OLFML1: variants seen among roughly 807,000 people sequenced by gnomAD.
The protein encoded by OLFML1 is olfactomedin-like protein 1.
OLFML1 carries 33 observed loss-of-function variants against 37.3 expected under a neutral mutation model. The observed-to-expected ratio is 0.88, with a 90% CI of 0.67 to 1.18. The LOEUF (loss-of-function observed/expected upper bound fraction) is 1.18. OLFML1 is among the 50% of genes most tolerant of loss of function. The pLI, the probability that OLFML1 is intolerant of heterozygous loss-of-function variation, is 0.00. For missense variants in OLFML1, 545 were observed against 483.7 expected (o/e 1.13, Z -1.19); for synonymous variants, 186 against 181.3 (o/e 1.03, Z -0.21).
intron 2 of OLFML1, among the ~76,000 whole-genome samples, chr11:7,502,632 A>T (rs1040099289): frequency 6.6e-6 from 1 of 151,170 alleles, no homozygotes; most frequent in Non-Finnish European, 1.5e-5. Context: ...TCTGGGACAG[A>T]GTCTCGCTCT....
intron 2 of OLFML1, among the ~76,000 whole-genome samples, chr11:7,503,509 C>G (rs1379021095): frequency 6.6e-6 from 1 of 152,184 alleles, no homozygotes; most frequent in African/African-American, 2.4e-5. Context: ...GTGACCTTGA[C>G]AGAAACTGAT....
chr11:7,502,092 C>A (rs924637932), intron 2 of OLFML1, among the ~76,000 whole-genome samples: 20 of 152,306 alleles, frequency 1.3e-4, no homozygotes, highest in African/African-American at 4.1e-4. Flanking sequence ...CTCTTCAAGA[C>A]ATAATATTGA....
At chr11:7,489,666 T>C (rs1301156144) in intron 2 of OLFML1, among the ~76,000 whole-genome samples, 1 of 152,156 alleles carries the variant, frequency 6.6e-6, no homozygotes, top group Non-Finnish European at 1.5e-5. Context: ...TGGCATTAAG[T>C]GTCATGGGAC....
At chr11:7,497,671 T>C (rs1371192092) in intron 2 of OLFML1, among the ~76,000 whole-genome samples, 2 of 152,200 alleles carry the variant, frequency 1.3e-5, no homozygotes, top group African/African-American at 2.4e-5. Context: ...AGTCTGTTTC[T>C]TTTTCATAAT....
rs1241236584 is a variant in OLFML1 at position 7,488,048 on chromosome 11, C to G, written c.130-79C>G. On this transcript the variant is annotated intron_variant, in intron 1 of 2. Coordinates refer to ENST00000329293, the MANE Select transcript of OLFML1 (RefSeq NM_198474.4). ...TGATGTGTAATTTTCTAATCCTTTT[C>G]TATAAATGATAGGTATTTATATTAT... The G allele has an allele frequency of 4.0e-6, 4 of 996,688 alleles. No individual in the cohort carries two copies. In the East Asian group the frequency reaches 1.1e-4, roughly 26 times the overall value. The allele number at this position is 996,688 out of a possible 1,614,324, so 61.7% of individuals were successfully genotyped here.
intron 2 of OLFML1, among the ~76,000 whole-genome samples, chr11:7,505,125 G>A (rs1486760270): frequency 2.0e-5 from 3 of 150,304 alleles, no homozygotes; most frequent in African/African-American, 7.3e-5. Context: ...TTAGAGATGG[G>A]GTCTCACTCT....
chr11:7,499,653 G>A (rs1006842869), intron 2 of OLFML1, among the ~76,000 whole-genome samples: 1 of 152,180 alleles, frequency 6.6e-6, no homozygotes, highest in Admixed American at 6.5e-5. Flanking sequence ...GACTCCAAGT[G>A]CTGGGTTTCA....
At chr11:7,501,879 G>A (rs1848728507) in intron 2 of OLFML1, among the ~76,000 whole-genome samples, 1 of 152,142 alleles carries the variant, frequency 6.6e-6, no homozygotes, top group African/African-American at 2.4e-5. Context: ...AACTCACTGA[G>A]TTAGGCATTG....
rs1470895738 is a variant in OLFML1, at chr11:7,510,265, A to G, written c.*77A>G. 1 of 1,133,652 alleles carries G rather than the reference A, an allele frequency of 8.8e-7. No homozygotes were observed. The highest frequency in any genetic ancestry group is 1.2e-6 in the Non-Finnish European group (1 of 807,566). The allele number at this position is 1,133,652 out of a possible 1,614,324, so 70.2% of individuals were successfully genotyped here. ...GACAGTGAGGCTATAGCCCCTTCAC[A>G]ATATAGTATCCCTCTAATCACACAC... On this transcript the variant is annotated 3_prime_UTR_variant, in exon 3 of 3. Coordinates refer to ENST00000329293, the MANE Select transcript of OLFML1 (RefSeq NM_198474.4).
intron 2 of OLFML1, among the ~76,000 whole-genome samples, chr11:7,497,199 A>C (rs1372946346): frequency 1.3e-5 from 2 of 152,142 alleles, no homozygotes; most frequent in Non-Finnish European, 2.9e-5. Flanking sequence ...ATAACTATTG[A>C]TATTTACCAT....
intron 2 of OLFML1, among the ~76,000 whole-genome samples, chr11:7,508,557 A>G (rs577255820): frequency 5.9e-5 from 9 of 152,298 alleles, no homozygotes; most frequent in African/African-American, 2.2e-4. Flanking sequence ...CCTATATTCT[A>G]GTTAGTCCTG....
At chr11:7,505,755 C>T (rs1009259942) in intron 2 of OLFML1, among the ~76,000 whole-genome samples, 3 of 152,030 alleles carry the variant, frequency 2.0e-5, no homozygotes, top group East Asian at 1.9e-4. Flanking sequence ...TGCTTGAGCT[C>T]GGGAAGTTGA....
chr11:7,492,966 C>T (rs1249574016), intron 2 of OLFML1, among the ~76,000 whole-genome samples: 1 of 152,132 alleles, frequency 6.6e-6, no homozygotes. Context: ...GTGTCTGATA[C>T]TCTTTGGAAG....
intron 2 of OLFML1, among the ~76,000 whole-genome samples, chr11:7,502,425 T>G (rs908621145): frequency 6.7e-6 from 1 of 148,474 alleles, no homozygotes; most frequent in African/African-American, 2.5e-5. Context: ...TACCGCTTTA[T>G]GGAGAACATA....
chr11:7,502,510 G>A (rs1848734910), intron 2 of OLFML1, among the ~76,000 whole-genome samples: 1 of 152,144 alleles, frequency 6.6e-6, no homozygotes, highest in Admixed American at 6.5e-5. Context: ...AAAAAGTGAT[G>A]ATGAATGGAT....
chr11:7,509,768 G>T lies in OLFML1; in HGVS notation c.789G>T (p.Gln263His). The change falls in exon 3 of 3, where the codon CAG (glutamine) becomes CAT (histidine). Residue 263 changes from glutamine (Q) to histidine (H), a missense_variant. By Grantham distance (24) the Gln-to-His change is conservative. Coordinates refer to ENST00000329293, the MANE Select transcript of OLFML1 (RefSeq NM_198474.4). ...PGGVGRALVY[Q>H]HSPSTYIDLA... ...GGGTAGGCCGAGCATTGGTTTACCA[G>T]CACTCCCCCTCAACTTACATTGACC... 1 of 1,614,240 alleles carries T rather than the reference G, an allele frequency of 6.2e-7. No homozygotes were observed. Among genetic ancestry groups the T allele is most frequent in the Non-Finnish European group, 8.5e-7 (1 of 1,180,034 alleles).
At position 7,509,386 on chromosome 11, in the gene OLFML1, C is replaced by T. The variant is rs1441943968; in HGVS notation, c.419-12C>T. On this transcript the variant is annotated splice_polypyrimidine_tract_variant and intron_variant, in intron 2 of 2. Coordinates refer to ENST00000329293, the MANE Select transcript of OLFML1 (RefSeq NM_198474.4). The stretch of plus-strand genomic sequence containing the variant: ...TATAAAGTAATCTCTCCTTTTTCTC[C>T]TGTTTGGCCAGGCTGTGACAACATG... 1.1e-5 allele frequency: 17 copies of T among 1,573,400 alleles called. No individual in the cohort carries two copies. In the Admixed American group the frequency reaches 1.3e-4, roughly 12 times the overall value.
chr11:7,493,852 T>A (rs537611059), intron 2 of OLFML1, among the ~76,000 whole-genome samples: 3 of 152,196 alleles, frequency 2.0e-5, no homozygotes, highest in African/African-American at 7.2e-5. Flanking sequence ...ATTCTAGAAA[T>A]ATGTTGGCAT....
chr11:7,490,929 C>G (rs111975292), intron 2 of OLFML1, among the ~76,000 whole-genome samples: 2 of 151,988 alleles, frequency 1.3e-5, no homozygotes, highest in Non-Finnish European at 2.9e-5. Flanking sequence ...AATGTATTTT[C>G]GTCATTTACC....
Sources: gnomAD v4.1 joint callset for allele counts (sites outside exome capture counted in the v4.1 genomes callset) on GRCh38, gnomAD v4.1.1 for gene constraint, MANE v1.5 for transcripts, NCBI Gene and HGNC (gene_info 2026-07-23, HGNC 2026-07-21) for gene names.